SLC24A3: variants seen among roughly 807,000 people sequenced by gnomAD.
The protein encoded by SLC24A3 is sodium/potassium/calcium exchanger 3.
Under a neutral mutation model 75.8 loss-of-function variants are expected in SLC24A3, and 28 were observed. The ratio of observed to expected loss-of-function variants is 0.37; its 90% CI spans 0.27 to 0.51. SLC24A3 has a LOEUF of 0.51. Ranked by LOEUF, SLC24A3 falls within the 20% of genes least tolerant of loss-of-function variation. The pLI, the probability that SLC24A3 is intolerant of heterozygous loss-of-function variation, is 0.94. For synonymous variants in SLC24A3, 372 were observed against 334.1 expected (o/e 1.11, Z -1.24); for missense variants, 663 against 847.8 (o/e 0.78, Z 2.71).
chr20:19,398,428 G>A (rs1034843798), intron 2 of SLC24A3, among the ~76,000 whole-genome samples: 1 of 152,122 alleles, frequency 6.6e-6, no homozygotes, highest in East Asian at 1.9e-4. Context: ...ACGTTAAAAA[G>A]TGTGTTGCTT....
intron 2 of SLC24A3, among the ~76,000 whole-genome samples, chr20:19,503,381 T>C (rs1369962507): frequency 2.0e-5 from 3 of 152,214 alleles, no homozygotes; most frequent in African/African-American, 7.2e-5. Flanking sequence ...CTGTTCATAT[T>C]CAGAGGCAAA....
intron 7 of SLC24A3, among the ~76,000 whole-genome samples, chr20:19,665,287 C>A (rs542626210): frequency 6.6e-6 from 1 of 151,966 alleles, no homozygotes; most frequent in South Asian, 2.1e-4. Flanking sequence ...ACTTATTTTT[C>A]GGGGTGATGG....
intron 2 of SLC24A3, among the ~76,000 whole-genome samples, chr20:19,457,492 A>G (rs1325403809): frequency 6.6e-6 from 1 of 152,366 alleles, no homozygotes; most frequent in Non-Finnish European, 1.5e-5. Flanking sequence ...TACAATTTAG[A>G]TGGTTTATTC....
chr20:19,225,429 C>T (rs116635011), intron 1 of SLC24A3, among the ~76,000 whole-genome samples: 1,809 of 152,190 alleles, frequency 0.012, 51 homozygotes, highest in African/African-American at 0.042. Flanking sequence ...AGGTCAATTC[C>T]GGTATTTTCC....
chr20:19,287,322 G>C (rs1196006483), intron 2 of SLC24A3, among the ~76,000 whole-genome samples: 1 of 152,224 alleles, frequency 6.6e-6, no homozygotes, highest in Non-Finnish European at 1.5e-5. Context: ...TGGACTAGAT[G>C]CTCACCGATG....
chr20:19,680,189 CAT>C (rs959205590), intron 9 of SLC24A3, among the ~76,000 whole-genome samples: 5 of 119,466 alleles, frequency 4.2e-5, no homozygotes, highest in East Asian at 2.6e-4. Context: ...TCTGTATGTG[CAT>C]GTGTGTGTGT....
At chr20:19,666,074 A>G (rs980844518) in intron 8 of SLC24A3, among the ~76,000 whole-genome samples, 185 bp downstream of exon 8, 3 of 152,026 alleles carry the variant, frequency 2.0e-5, no homozygotes, top group African/African-American at 7.3e-5. Context: ...CAGAGTCAAG[A>G]CCTTTCCTCT....
At chr20:19,680,590 T>A (rs936971490) in intron 9 of SLC24A3, among the ~76,000 whole-genome samples, 1 of 152,226 alleles carries the variant, frequency 6.6e-6, no homozygotes, top group African/African-American at 2.4e-5. Context: ...ACGCTTCGTG[T>A]CTTATGAACT....
rs553279867 is a variant in SLC24A3, at chr20:19,564,110, G to T, written c.349-15890G>T. 2.0e-5 allele frequency among the ~76,000 whole-genome samples: 3 copies of T among 152,278 alleles called. No individual in the cohort carries two copies. The South Asian group carries it at 6.2e-4, about 32-fold the overall frequency. The stretch of plus-strand genomic sequence containing the variant: ...GGAAGATCCCAGTATTGGCAAACAG[G>T]ACCTCTAGCCAGCCAGTGTTTACCT... On this transcript the variant is annotated intron_variant, in intron 3 of 16. Coordinates refer to ENST00000328041, the MANE Select transcript of SLC24A3 (RefSeq NM_020689.4).
chr20:19,304,566 T>G (rs925425940), intron 2 of SLC24A3, among the ~76,000 whole-genome samples: 6 of 152,142 alleles, frequency 3.9e-5, no homozygotes, highest in Admixed American at 3.9e-4. Flanking sequence ...CCTTGTACAT[T>G]GGGTTGTTGT....
intron 2 of SLC24A3, among the ~76,000 whole-genome samples, chr20:19,353,164 AATC>A: frequency 6.6e-6 from 1 of 152,326 alleles, no homozygotes; most frequent in South Asian, 2.1e-4. Flanking sequence ...ACAACCATGA[AATC>A]ATCAAAAGAT....
chr20:19,675,751 A>G (rs925659233), intron 9 of SLC24A3, among the ~76,000 whole-genome samples: 2 of 152,332 alleles, frequency 1.3e-5, no homozygotes, highest in South Asian at 4.1e-4. Context: ...TGAAAACCAG[A>G]GTTGATCCAA....
rs2033113854 is a variant in SLC24A3, at chr20:19,722,427, C to G, written c.*1287C>G. On this transcript the variant is annotated 3_prime_UTR_variant, in exon 17 of 17. Coordinates refer to ENST00000328041, the MANE Select transcript of SLC24A3 (RefSeq NM_020689.4). ...ACAGAATGTGTTACATGCAGACTCGCTCAAGGGCATAAGTTATTGTGAACG... is the reference window on the plus strand; with the variant it reads ...ACAGAATGTGTTACATGCAGACTCGGTCAAGGGCATAAGTTATTGTGAACG... 6.5e-6 allele frequency: 1 copy of G among 152,724 alleles called. No homozygotes were observed. The highest frequency in any genetic ancestry group is 2.1e-4 in the South Asian group (1 of 4,834). The allele number at this position is 152,724 out of a possible 1,614,324, so 9.5% of individuals were successfully genotyped here. A position where few individuals can be genotyped will look rare whatever the true frequency, so the allele number is the denominator to read the frequency against.
At chr20:19,252,420 T>A (rs951053994) in intron 1 of SLC24A3, among the ~76,000 whole-genome samples, 6 of 152,182 alleles carry the variant, frequency 3.9e-5, no homozygotes, top group African/African-American at 1.4e-4. Context: ...CCACCAAGGC[T>A]TGGAGTAAGA....
intron 7 of SLC24A3, among the ~76,000 whole-genome samples, chr20:19,655,351 G>T (rs1026956375): frequency 6.6e-6 from 1 of 152,126 alleles, no homozygotes; most frequent in Admixed American, 6.5e-5. Context: ...TGTGTCATTT[G>T]TGGGGAAAAA....
rs142352932 is a variant in SLC24A3, at chr20:19,462,360, C to T, written c.272-53128C>T. ...CTGCAAGCTCCACCTCCTGGGTTCACGCCATTCTCCTGCCTCAGCCTCCCT... is the reference window on the plus strand; with the variant it reads ...CTGCAAGCTCCACCTCCTGGGTTCATGCCATTCTCCTGCCTCAGCCTCCCT... On this transcript the variant is annotated intron_variant, in intron 2 of 16. Coordinates refer to ENST00000328041, the MANE Select transcript of SLC24A3 (RefSeq NM_020689.4). Among the ~76,000 whole-genome samples the T allele has an allele frequency of 3.0e-3, 456 of 152,038 alleles. 1 individual carries two copies. The highest frequency in any genetic ancestry group is 0.018 in the East Asian group (94 of 5,142).
chr20:19,213,181 G>T (rs760764757), intron 1 of SLC24A3, 197 bp downstream of exon 1: 2 of 497,412 alleles, frequency 4.0e-6, no homozygotes, highest in Non-Finnish European at 5.9e-6. Flanking sequence ...GACCCTGAGC[G>T]CCAGCAGCCA....
At chr20:19,253,361 G>A (rs1348427136) in intron 1 of SLC24A3, among the ~76,000 whole-genome samples, 3 of 152,210 alleles carry the variant, frequency 2.0e-5, no homozygotes, top group African/African-American at 7.2e-5. Flanking sequence ...TCTGATGAAG[G>A]TGTGCGCAGC....
chr20:19,336,575 C>T (rs1473819637), intron 2 of SLC24A3, among the ~76,000 whole-genome samples: 1 of 151,864 alleles, frequency 6.6e-6, no homozygotes, highest in Admixed American at 6.6e-5. Flanking sequence ...TAGTAGAGAC[C>T]AGGTTTCACC....
Sources: gnomAD v4.1 joint callset for allele counts (sites outside exome capture counted in the v4.1 genomes callset) on GRCh38, gnomAD v4.1.1 for gene constraint, MANE v1.5 for transcripts, NCBI Gene and HGNC (gene_info 2026-07-23, HGNC 2026-07-21) for gene names.